STRADB: variants seen among roughly 807,000 people sequenced by gnomAD.
STRADB encodes the protein STE20-related kinase adapter protein beta.
STRADB carries 34 observed loss-of-function variants against 52.1 expected under a neutral mutation model. The observed-to-expected ratio is 0.65, with a 90% CI of 0.50 to 0.87. STRADB has a LOEUF of 0.87. Among genes scored for constraint, STRADB ranks in the 40% least tolerant of loss-of-function variants. The pLI, the probability that STRADB is intolerant of heterozygous loss-of-function variation, is 0.00. For synonymous variants in STRADB, 133 were observed against 174.5 expected (o/e 0.76, Z 1.87); for missense variants, 340 against 483.9 (o/e 0.70, Z 2.79).
At chr2:201,475,342 G>GA (rs949782505) in intron 6 of STRADB, among the ~76,000 whole-genome samples, 19 of 144,050 alleles carry the variant, frequency 1.3e-4, no homozygotes, top group African/African-American at 4.4e-4. Context: ...CTGGATTTAA[G>GA]AAAAAAAAAA....
chr2:201,470,508 C>G (rs1488516680), intron 4 of STRADB, among the ~76,000 whole-genome samples: 1 of 152,212 alleles, frequency 6.6e-6, no homozygotes, highest in African/African-American at 2.4e-5. Context: ...TATAGCTTTA[C>G]ATATGTGAAA....
chr2:201,457,298 C>A (rs1952142750), intron 2 of STRADB: 1 of 152,128 alleles, frequency 6.6e-6, no homozygotes, highest in African/African-American at 2.4e-5. Flanking sequence ...ATGTCCTGCC[C>A]AGCTGGTGGA....
intron 3 of STRADB, among the ~76,000 whole-genome samples, chr2:201,462,549 A>T (rs1952232346): frequency 1.3e-5 from 2 of 151,636 alleles, no homozygotes; most frequent in South Asian, 2.1e-4. Context: ...TTGTGTGTGT[A>T]TGTGTTGTAG....
At chr2:201,477,815 T>A in intron 8 of STRADB, 25 bp downstream of exon 8, 1 of 1,603,736 alleles carries the variant, frequency 6.2e-7, no homozygotes, top group South Asian at 1.1e-5. Flanking sequence ...TTGGATTGGG[T>A]TGTCTGTGTC....
At chr2:201,478,730 A>C (rs1434302015) in intron 10 of STRADB, 129 bp downstream of exon 10, 60 of 1,105,862 alleles carry the variant, frequency 5.4e-5, no homozygotes, top group Non-Finnish European at 7.1e-5. Flanking sequence ...GAAAATATCA[A>C]TGCTAAGAAC....
intron 3 of STRADB, 61 bp downstream of exon 3, chr2:201,458,925 G>A (rs1952170372): frequency 5.5e-6 from 8 of 1,442,578 alleles, no homozygotes; most frequent in Non-Finnish European, 7.7e-6. Context: ...ACTCTGGGAG[G>A]CCAAGGCAGG....
At chr2:201,464,981 C>G (rs983980133) in intron 3 of STRADB, among the ~76,000 whole-genome samples, 1 of 152,080 alleles carries the variant, frequency 6.6e-6, no homozygotes, top group Non-Finnish European at 1.5e-5. Flanking sequence ...TGGGTTTCTC[C>G]CTTCAGGGCA....
intron 3 of STRADB, among the ~76,000 whole-genome samples, chr2:201,464,263 G>A (rs1298176755): frequency 6.6e-6 from 1 of 151,942 alleles, no homozygotes; most frequent in Non-Finnish European, 1.5e-5. Flanking sequence ...ATTGAGTATT[G>A]TGATCTAAGT....
rs1219933311 is a variant in STRADB, at chr2:201,475,653, T to C, written c.459T>C (p.Pro153=). 6.2e-7 allele frequency: 1 copy of C among 1,612,012 alleles called. No homozygotes were observed. Among genetic ancestry groups the C allele is most frequent in the Admixed American group, 1.7e-5 (1 of 60,014 alleles). Residue 153 remains proline (P), a synonymous_variant, in exon 7 of 12, where the codon CCT becomes CCC. Transcript: ENST00000194530. ...GTCAACTCTTGAGGACCTATTTTCC[T>C]GAAGGAATGAGTGAAACTTTAATAA... is the stretch of plus-strand genomic sequence containing the variant. ...SASQLLRTYF[P]EGMSETLIRN...
Position 201,474,697 on chromosome 2 carries a change from T to G in STRADB, c.366T>G (p.Tyr122Ter), listed in dbSNP as rs780534415. ...TCCGGCATCCCAATATTACAACTTA[T>G]TGGACAGTTTTCACTGTTGGCAGCT... is the stretch of plus-strand genomic sequence containing the variant. ...HFFRHPNITT[Y>*]WTVFTVGSWL... The change falls in exon 6 of 12, where the codon TAT (tyrosine) becomes TAG (stop). Residue 122 changes from tyrosine to a stop codon, truncating the protein, a stop_gained. Transcript: ENST00000194530. LOFTEE classifies it high-confidence loss of function. The G allele has an allele frequency of 2.4e-5, 38 of 1,612,348 alleles. No individual in the cohort carries two copies. The highest frequency in any genetic ancestry group is 2.8e-5 in the Non-Finnish European group (33 of 1,179,622).
chr2:201,474,590 A>G (rs2125681693), intron 5 of STRADB, 57 bp from the exon 6 acceptor site: 1 of 1,482,282 alleles, frequency 6.7e-7, no homozygotes, highest in East Asian at 2.3e-5. Context: ...CGCCATTTTC[A>G]TCATAAGGAA....
rs182510830 is a variant in STRADB at position 201,454,462 on chromosome 2, T to C, written c.-95-284T>C. Among the ~76,000 whole-genome samples, 328 of 152,306 alleles carry C rather than the reference T, an allele frequency of 2.2e-3. 3 individuals are homozygous for C. Among genetic ancestry groups the C allele is most frequent in the African/African-American group, 7.5e-3 (312 of 41,562 alleles). On this transcript the variant is annotated intron_variant, in intron 1 of 11. Transcript: ENST00000194530. ...CAAACAAAAAACAGTATAGAAAAGA[T>C]AGGGAAGGAGAAATGCAAACATATT...
intron 3 of STRADB, among the ~76,000 whole-genome samples, chr2:201,465,870 C>T (rs1952294674): frequency 6.6e-6 from 1 of 152,174 alleles, no homozygotes; most frequent in African/African-American, 2.4e-5. Context: ...CTGTGTTGCT[C>T]TCTGCTGTGA....
chr2:201,458,694 T>G (rs1406062306), intron 2 of STRADB, 90 bp from the exon 3 acceptor site: 1 of 1,127,970 alleles, frequency 8.9e-7, no homozygotes, highest in Non-Finnish European at 1.3e-6. Context: ...TTTTCCCCAC[T>G]GTAGTCATTA....
chr2:201,478,931 G>T (rs1380807711), intron 10 of STRADB, among the ~76,000 whole-genome samples: 2 of 151,866 alleles, frequency 1.3e-5, no homozygotes, highest in African/African-American at 4.8e-5. Flanking sequence ...AAAATTAGCC[G>T]GTGTGGTGGC....
intron 7 of STRADB, 29 bp from the exon 8 acceptor site, chr2:201,477,590 T>A: frequency 6.4e-7 from 1 of 1,574,396 alleles, no homozygotes; most frequent in Non-Finnish European, 8.7e-7. Context: ...CAGTTTCCTG[T>A]TACTTAGCAT....
chr2:201,462,165 T>A (rs1952225965), intron 3 of STRADB, among the ~76,000 whole-genome samples: 1 of 152,152 alleles, frequency 6.6e-6, no homozygotes, highest in African/African-American at 2.4e-5. Flanking sequence ...ACCTTCCATG[T>A]CTCTTTTTAT....
chr2:201,472,993 C>T lies in STRADB; in HGVS notation c.232C>T (p.Arg78Trp), dbSNP rs747601312. The change falls in exon 5 of 12, where the codon CGG becomes TGG. Residue 78 changes from arginine (R) to tryptophan (W), a missense_variant. Physicochemically the swap from Arg to Trp is moderately radical, Grantham distance 101. Coordinates refer to ENST00000194530, the MANE Select transcript of STRADB (RefSeq NM_018571.6). ...CAACTTGACTTCTGTCCATCTTGCACGGCATACTCCCACAGGAACACTGGT... is the reference window on the plus strand; with the variant it reads ...CAACTTGACTTCTGTCCATCTTGCATGGCATACTCCCACAGGAACACTGGT... ...FDNLTSVHLA[R>W]HTPTGTLVTI... 17 of 1,611,490 alleles carry T rather than the reference C, an allele frequency of 1.1e-5. No individual in the cohort carries two copies. Among genetic ancestry groups the T allele is most frequent in the East Asian group, 2.2e-5 (1 of 44,804 alleles).
rs1952510867 is a variant in STRADB at position 201,478,204 on chromosome 2, A to G, written c.825+13A>G. ...GCATAGAACTCAGGTAAGTGCTGCT[A>G]AAATCCCTGAGCTACTTGCCTTTCA... On this transcript the variant is annotated intron_variant, in intron 9 of 11. Transcript: ENST00000194530. The G allele has an allele frequency of 6.2e-7, 1 of 1,604,606 alleles. No homozygotes were observed. Among genetic ancestry groups the G allele is most frequent in the Admixed American group, 1.7e-5 (1 of 58,118 alleles).
Sources: gnomAD v4.1 joint callset for allele counts (sites outside exome capture counted in the v4.1 genomes callset) on GRCh38, gnomAD v4.1.1 for gene constraint, MANE v1.5 for transcripts, NCBI Gene and HGNC (gene_info 2026-07-23, HGNC 2026-07-21) for gene names.